The following MME variants were observed in gnomAD, a reference collection of about 807,000 sequenced individuals.
MME encodes neprilysin.
A neutral mutation model predicts 113.2 loss-of-function variants in MME; 98 were observed. The ratio of observed to expected loss-of-function variants is 0.87; its 90% CI spans 0.74 to 1.02. MME has a LOEUF of 1.02. Among genes scored for constraint, MME ranks in the 50% least tolerant of loss-of-function variants. The probability of loss-of-function intolerance (pLI) is 0.00; values close to 1 mark genes in which losing one functional copy is unlikely to be tolerated. For missense variants in MME, 836 were observed against 896.0 expected, an observed-to-expected ratio of 0.93 and a Z score of 0.86; for synonymous variants, 292 against 300.6, an observed-to-expected ratio of 0.97 and a Z score of 0.30.
chr3:155,173,899 C>A (rs1252208458), intron 22 of MME, among the ~76,000 whole-genome samples: 2 of 152,016 alleles, frequency 1.3e-5, no homozygotes, highest in African/African-American at 4.8e-5. Flanking sequence ...GTTAATGTAA[C>A]CTCTGTACCT....
chr3:155,045,946 TG>T (rs1713542324), intron 1 of MME, among the ~76,000 whole-genome samples: 1 of 152,242 alleles, frequency 6.6e-6, no homozygotes, highest in Admixed American at 6.5e-5. Context: ...TCTGATTTTC[TG>T]TATTCTCTGT....
chr3:155,117,638 C>A (rs1718739758), intron 7 of MME, among the ~76,000 whole-genome samples: 2 of 125,786 alleles, frequency 1.6e-5, no homozygotes, highest in Admixed American at 9.1e-5. Flanking sequence ...AGAAATTATA[C>A]AAAAAATTGC....
At chr3:155,147,103 T>TTA in intron 14 of MME, 41 bp from the exon 15 acceptor site, 1 of 1,280,256 alleles carries the variant, frequency 7.8e-7, no homozygotes, top group Non-Finnish European at 1.1e-6. Flanking sequence ...TATCTGAAAG[T>TTA]TATATAATCA....
chr3:155,029,812 A>C (rs1221901483), intron 1 of MME, among the ~76,000 whole-genome samples: 1 of 152,202 alleles, frequency 6.6e-6, no homozygotes, highest in Non-Finnish European at 1.5e-5. Context: ...TTCTGATAAA[A>C]TACTTAAGTA....
chr3:155,070,426 T>A (rs1224055421), intron 1 of MME, among the ~76,000 whole-genome samples: 1 of 152,000 alleles, frequency 6.6e-6, no homozygotes, highest in Non-Finnish European at 1.5e-5. Context: ...TCAGGATGAG[T>A]TTTTAAAAGT....
At chr3:155,157,172 G>A (rs934833031) in intron 16 of MME, among the ~76,000 whole-genome samples, 13 of 151,938 alleles carry the variant, frequency 8.6e-5, no homozygotes, top group South Asian at 4.1e-4. Context: ...GCCCCCAAAC[G>A]AGAATAAGCT....
intron 8 of MME, among the ~76,000 whole-genome samples, chr3:155,125,193 G>A (rs972641727): frequency 2.0e-5 from 3 of 148,572 alleles, no homozygotes; most frequent in Non-Finnish European, 4.5e-5. Flanking sequence ...AGGTGCGTCC[G>A]TCACCCCTTT....
intron 7 of MME, among the ~76,000 whole-genome samples, chr3:155,117,189 C>T (rs1453530887): frequency 4.6e-5 from 7 of 152,198 alleles, no homozygotes; most frequent in Non-Finnish European, 8.8e-5. Context: ...ACATTCACCC[C>T]TTGCTTCTGC....
Position 155,172,098 on chromosome 3 carries a change from T to C in MME, c.1981-19T>C. The C allele has an allele frequency of 7.1e-7, 1 of 1,407,972 alleles. No homozygotes were observed. Among genetic ancestry groups the C allele is most frequent in the South Asian group, 1.2e-5 (1 of 86,480 alleles). 87.2% of individuals were successfully genotyped at this position (1,407,972 alleles called of 1,614,324 possible). On this transcript the variant is annotated intron_variant, in intron 20 of 22. Transcript: ENST00000360490. Reference sequence around the variant, plus strand: ...TTAGGAATTAATATTATTGTTTTTCTATTTTATCAACTGCCTAGGCCTATC... The same window carrying C: ...TTAGGAATTAATATTATTGTTTTTCCATTTTATCAACTGCCTAGGCCTATC...
upstream of MME, among the ~76,000 whole-genome samples, chr3:155,078,765 GAAGTT>G (rs1466979553): frequency 1.3e-5 from 2 of 151,566 alleles, no homozygotes; most frequent in Non-Finnish European, 2.9e-5. Flanking sequence ...AAAAAAAAAG[GAAGTT>G]TAGTTCCTCT....
At chr3:155,067,191 C>G (rs1576680400) in intron 1 of MME, among the ~76,000 whole-genome samples, 1 of 117,048 alleles carries the variant, frequency 8.5e-6, no homozygotes, top group Admixed American at 9.1e-5. Flanking sequence ...TGGGAGAAAA[C>G]ACAGGCAATT....
rs1713227425 is a variant in MME at position 155,182,841 on chromosome 3, C to T, written c.*2382C>T. On this transcript the variant is annotated 3_prime_UTR_variant, in exon 23 of 23. Coordinates refer to ENST00000360490, the MANE Select transcript of MME (RefSeq NM_007289.4). The stretch of plus-strand genomic sequence containing the variant: ...AGATCAAAGTCAAAAATAGCAATGC[C>T]TCCCTATCCCTCACACATCCAGACA... 6.6e-6 allele frequency: 1 copy of T among 152,234 alleles called. No individual in the cohort carries two copies. Among genetic ancestry groups the T allele is most frequent in the Non-Finnish European group, 1.5e-5 (1 of 68,058 alleles). 9.4% of individuals were successfully genotyped at this position (152,234 alleles called of 1,614,324 possible).
intron 1 of MME, among the ~76,000 whole-genome samples, chr3:155,044,128 T>TC (rs1304186970): frequency 1.7e-4 from 21 of 122,314 alleles, no homozygotes; most frequent in Non-Finnish European, 3.2e-4. Flanking sequence ...CCTTTTTCTT[T>TC]TTTTTTTTTT....
chr3:155,067,086 G>T (rs1714403590), intron 1 of MME, among the ~76,000 whole-genome samples: 1 of 151,658 alleles, frequency 6.6e-6, no homozygotes, highest in Non-Finnish European at 1.5e-5. Flanking sequence ...TGTATTTTCT[G>T]GATGTAGATA....
rs147895673 is a variant in MME, at chr3:155,060,476, C to T, written c.-10-23682C>T. On this transcript the variant is annotated intron_variant, in intron 1 of 22. Coordinates refer to the MME transcript ENST00000492661. ...AAATTTTCTTCCATATCTAACACTT[C>T]ACGATCCTAGAGTCCTCACAGTCTT... Among the ~76,000 whole-genome samples the T allele has an allele frequency of 1.8e-3, 269 of 152,250 alleles. 1 individual carries two copies. The highest frequency in any genetic ancestry group is 6.4e-3 in the African/African-American group (265 of 41,526).
intron 1 of MME, among the ~76,000 whole-genome samples, chr3:155,038,429 C>T (rs1220550268): frequency 6.6e-6 from 1 of 152,186 alleles, no homozygotes; most frequent in Admixed American, 6.6e-5. Flanking sequence ...CGGATCCACA[C>T]TGTGTTTATC....
chr3:155,137,176 T>C (rs1485866357), intron 8 of MME, among the ~76,000 whole-genome samples: 5 of 152,334 alleles, frequency 3.3e-5, no homozygotes, highest in African/African-American at 1.2e-4. Flanking sequence ...AGAAAACTAA[T>C]ATCTAAATCT....
intron 14 of MME, 32 bp from the exon 15 acceptor site, chr3:155,147,111 TC>T: frequency 7.5e-7 from 1 of 1,339,482 alleles, no homozygotes; most frequent in Non-Finnish European, 1.1e-6. Flanking sequence ...AGTTATATAA[TC>T]ATCTTCACAT....
chr3:155,027,845 A>G (rs1192198458), intron 1 of MME, among the ~76,000 whole-genome samples: 1 of 152,208 alleles, frequency 6.6e-6, no homozygotes, highest in African/African-American at 2.4e-5. Flanking sequence ...CCCAATCCTA[A>G]GCACATAATA....
Sources: gnomAD v4.1 joint callset for allele counts (sites outside exome capture counted in the v4.1 genomes callset) on GRCh38, gnomAD v4.1.1 for gene constraint, MANE v1.5 for transcripts, NCBI Gene and HGNC (gene_info 2026-07-23, HGNC 2026-07-21) for gene names.